Variants in ZNF362 observed in about 807,000 individuals in gnomAD.
The protein encoded by ZNF362 is rotund homolog.
A neutral mutation model predicts 42.9 loss-of-function variants in ZNF362; 11 were observed. The ratio of observed to expected loss-of-function variants is 0.26; its 90% confidence interval spans 0.16 to 0.42. The LOEUF is 0.42. Among genes scored for constraint, ZNF362 ranks in the 20% least tolerant of loss-of-function variants. The pLI is 1.00. For missense variants in ZNF362, 362 were observed against 576.2 expected (o/e 0.63, Z 3.81); for synonymous variants, 255 against 257.3 (o/e 0.99, Z 0.09).
At chr1:33,181,427 C>G in the ZNF362 span, 1 of 1,593,538 alleles carries the variant, frequency 6.3e-7, no homozygotes, top group Non-Finnish European at 8.5e-7. This position sits in a 1 kb window ranked among gnomAD's most constrained non-coding sequence, Gnocchi z 6.5. Flanking sequence ...TGAGGCTGCA[C>G]GCCATGGCGC....
chr1:33,147,704 G>T, the ZNF362 span: 1 of 1,612,770 alleles, frequency 6.2e-7, no homozygotes, highest in Non-Finnish European at 8.5e-7. This position sits in a 1 kb window ranked among gnomAD's most constrained non-coding sequence, Gnocchi z 8.1. Flanking sequence ...GCTGTGCCCG[G>T]GTCCAGGGTT....
chr1:33,258,201 G>A (rs1436567018), intron 1 of ZNF362, among the ~76,000 whole-genome samples: 2 of 152,192 alleles, frequency 1.3e-5, no homozygotes, highest in Non-Finnish European at 2.9e-5. Flanking sequence ...AGTTCCTGAA[G>A]TATCTTGCTG....
At chr1:33,207,679 A>T in the ZNF362 span, among the ~76,000 whole-genome samples, 1 of 152,086 alleles carries the variant, frequency 6.6e-6, no homozygotes. Context: ...TGTGGTTTTG[A>T]TTTGCATTTC....
At chr1:33,215,614 T>C in the ZNF362 span, among the ~76,000 whole-genome samples, 1 of 152,166 alleles carries the variant, frequency 6.6e-6, no homozygotes, top group South Asian at 2.1e-4. Flanking sequence ...GATCAGTACA[T>C]TGCCCTATGT....
the ZNF362 span, among the ~76,000 whole-genome samples, chr1:33,236,639 T>A: frequency 6.9e-6 from 1 of 145,844 alleles, no homozygotes; most frequent in African/African-American, 2.5e-5. Flanking sequence ...TATGTTGTAG[T>A]TTAGTCTAGT....
chr1:33,282,969 C>T (rs1001853068), intron 6 of ZNF362, among the ~76,000 whole-genome samples: 3 of 152,126 alleles, frequency 2.0e-5, no homozygotes, highest in African/African-American at 4.8e-5. Flanking sequence ...GAAGCAGCAC[C>T]GTTTTCTCAC....
At chr1:33,161,637 C>T in the ZNF362 span, among the ~76,000 whole-genome samples, 2 of 152,142 alleles carry the variant, frequency 1.3e-5, no homozygotes, top group African/African-American at 4.8e-5. This position sits in a 1 kb window ranked among gnomAD's most constrained non-coding sequence, Gnocchi z 4.3. Flanking sequence ...CTGCCGTGGC[C>T]TTCCTGAGCC....
intron 4 of ZNF362, among the ~76,000 whole-genome samples, chr1:33,278,100 A>G (rs1269933454): frequency 6.6e-6 from 1 of 152,228 alleles, no homozygotes; most frequent in African/African-American, 2.4e-5. Context: ...CCATTATAAA[A>G]GTAATATTAA....
chr1:33,297,188 C>A (rs1290517390), intron 8 of ZNF362, among the ~76,000 whole-genome samples: 1 of 152,148 alleles, frequency 6.6e-6, no homozygotes, highest in African/African-American at 2.4e-5. Flanking sequence ...TGAGCAGGAG[C>A]CCTCGCTTGG....
At chr1:33,139,092 A>G in the ZNF362 span, among the ~76,000 whole-genome samples, 1 of 152,190 alleles carries the variant, frequency 6.6e-6, no homozygotes, top group Non-Finnish European at 1.5e-5. Context: ...GTTTATTTTC[A>G]TTTTTTAAAA....
the ZNF362 span, among the ~76,000 whole-genome samples, chr1:33,199,235 A>G: frequency 1.3e-5 from 2 of 152,328 alleles, no homozygotes; most frequent in African/African-American, 4.8e-5. Context: ...TCACAATCAA[A>G]TTGCTCAAAA....
the ZNF362 span, chr1:33,147,288 G>A: frequency 6.2e-7 from 1 of 1,614,216 alleles, no homozygotes. The surrounding 1 kb of genome is among the most constrained non-coding windows in gnomAD (Gnocchi z 8.1). Flanking sequence ...CGCGGAAGGT[G>A]TAGAGCCAGG....
rs773523765 is a variant in ZNF362, at chr1:33,294,905, G to C, written c.909-32G>C. 22 of 1,613,438 alleles carry C rather than the reference G, an allele frequency of 1.4e-5. No homozygotes were observed. The South Asian group carries it at 2.2e-4, about 16-fold the overall frequency. On this transcript the variant is annotated intron_variant, in intron 6 of 8. Transcript: ENST00000539719. This position sits in a 1 kb window ranked among gnomAD's most constrained non-coding sequence, Gnocchi z 4.2. ...GGAGCGGTCTTGGGGTGTGTGTCAG[G>C]GACTTCGACCTTACTGGGCTGCCCA...
chr1:33,220,086 G>A, the ZNF362 span, among the ~76,000 whole-genome samples: 10 of 152,144 alleles, frequency 6.6e-5, no homozygotes, highest in Admixed American at 2.0e-4. Context: ...GAGGGAGAGC[G>A]CAGTGGAGCA....
At chr1:33,285,104 G>T (rs1023318081) in intron 6 of ZNF362, among the ~76,000 whole-genome samples, 2 of 152,164 alleles carry the variant, frequency 1.3e-5, no homozygotes, top group Admixed American at 6.5e-5. Context: ...GTATAATCAT[G>T]ATCAATTTTT....
At chr1:33,263,261 C>G (rs1483098460) in intron 1 of ZNF362, among the ~76,000 whole-genome samples, 3 of 152,222 alleles carry the variant, frequency 2.0e-5, no homozygotes, top group Non-Finnish European at 4.4e-5. Flanking sequence ...CCGTTTCTGT[C>G]TCCTGCCTTC....
At chr1:33,229,037 G>A in the ZNF362 span, among the ~76,000 whole-genome samples, 5 of 152,052 alleles carry the variant, frequency 3.3e-5, no homozygotes, top group African/African-American at 1.2e-4. Flanking sequence ...GGTTTTCCTC[G>A]AGGTATCTGT....
the ZNF362 span, chr1:33,181,635 G>T: frequency 1.0e-6 from 1 of 969,970 alleles, no homozygotes; most frequent in Non-Finnish European, 1.5e-6. This position sits in a 1 kb window ranked among gnomAD's most constrained non-coding sequence, Gnocchi z 6.5. Flanking sequence ...TCCGTGGGAC[G>T]CCAGCCCGGG....
chr1:33,299,346 TTCG>T lies in ZNF362; in HGVS notation c.*302_*304del. 3.9e-6 allele frequency: 1 copy of T among 254,556 alleles called. No homozygotes were observed. The highest frequency in any genetic ancestry group is 7.5e-6 in the Non-Finnish European group (1 of 132,866). 15.8% of individuals were successfully genotyped at this position (254,556 alleles called of 1,614,324 possible). ...CACTTGCTTCACTGTTTTTTTTTTT[TTCG>T]TTTTTTTTTTTTAAGTTTGTTTTGG... On this transcript the variant is annotated 3_prime_UTR_variant, in exon 9 of 9. Transcript: ENST00000539719.
Sources: allele counts gnomAD v4.1 joint callset (sites outside exome capture counted in the v4.1 genomes callset), GRCh38; gene constraint gnomAD v4.1.1; non-coding constraint Gnocchi (gnomAD v3.1); transcripts MANE v1.5; gene names NCBI Gene and HGNC (gene_info 2026-07-23, HGNC 2026-07-21).